The following SLC25A26 variants were observed in gnomAD, a reference collection of about 807,000 sequenced individuals.
The protein encoded by SLC25A26 is solute carrier family 25 member 26, also known as mitochondrial S-adenosylmethionine carrier protein.
Under a neutral mutation model 37.8 loss-of-function variants are expected in SLC25A26, and 36 were observed. The observed-to-expected ratio is 0.95, with a 90% CI of 0.73 to 1.26. The LOEUF (loss-of-function observed/expected upper bound fraction) is 1.26, where lower values mean the gene tolerates loss of function less well. SLC25A26 is among the 50% of genes most tolerant of loss of function. The pLI is 0.00. For missense variants in SLC25A26, 390 were observed against 331.1 expected (o/e 1.18, Z -1.38); for synonymous variants, 129 against 122.5 (o/e 1.05, Z -0.35).
At chr3:66,255,668 A>T (rs1398026091) in intron 3 of SLC25A26, among the ~76,000 whole-genome samples, 2 of 152,162 alleles carry the variant, frequency 1.3e-5, no homozygotes, top group Non-Finnish European at 2.9e-5. Context: ...TTACCAAGAG[A>T]CCCACAGATG....
At chr3:66,296,894 A>G (rs1324956906) in intron 5 of SLC25A26, among the ~76,000 whole-genome samples, 1 of 152,094 alleles carries the variant, frequency 6.6e-6, no homozygotes, top group Non-Finnish European at 1.5e-5. Flanking sequence ...TGTTTTCCAC[A>G]CTCCCTGAAC....
At chr3:66,214,695 A>T (rs1466276998) in intron 1 of SLC25A26, among the ~76,000 whole-genome samples, 1 of 152,202 alleles carries the variant, frequency 6.6e-6, no homozygotes, top group Non-Finnish European at 1.5e-5. Context: ...ATTTACACTT[A>T]AAAATTTGAT....
chr3:66,191,165 C>T (rs947095150), intron 1 of SLC25A26, among the ~76,000 whole-genome samples: 41 of 152,190 alleles, frequency 2.7e-4, no homozygotes, highest in African/African-American at 8.4e-4. Flanking sequence ...ATAATAAGGA[C>T]GAGTCTAAGC....
chr3:66,177,547 A>G (rs2070608995), intron 1 of SLC25A26, among the ~76,000 whole-genome samples: 1 of 152,104 alleles, frequency 6.6e-6, no homozygotes, highest in Admixed American at 6.5e-5. Context: ...CTCACATTAA[A>G]TCCCCACTGT....
intron 8 of SLC25A26, 143 bp downstream of exon 8, chr3:66,369,685 C>A: frequency 1.5e-6 from 1 of 677,238 alleles, no homozygotes; most frequent in Non-Finnish European, 2.6e-6. Flanking sequence ...TCTAACAAAA[C>A]TGCCATTGAT....
intron 1 of SLC25A26, among the ~76,000 whole-genome samples, chr3:66,174,752 C>T (rs1047184714): frequency 6.6e-6 from 1 of 150,974 alleles, no homozygotes; most frequent in South Asian, 2.1e-4. Context: ...CGCCACTGCA[C>T]TCCAGCCTGG....
intron 1 of SLC25A26, among the ~76,000 whole-genome samples, chr3:66,204,018 A>T (rs1371084074): frequency 6.6e-6 from 1 of 152,242 alleles, no homozygotes; most frequent in African/African-American, 2.4e-5. Flanking sequence ...TATTCTATGC[A>T]GTTTATTTAC....
Position 66,369,505 on chromosome 3 carries a change from C to T in SLC25A26, c.596C>T (p.Pro199Leu), listed in dbSNP as rs869025315. The T allele has an allele frequency of 1.2e-6, 2 of 1,605,200 alleles. No individual in the cohort carries two copies. The highest frequency in any genetic ancestry group is 2.2e-5 in the East Asian group (1 of 44,620). ...AGGFAAAVTT[P>L]LDVAKTRITL... ...GGATTTGCCGCTGCAGTCACCACCC[C>T]TCTAGACGTGGCAAAGACAAGAATT... Residue 199 changes from proline to leucine, a missense_variant, in exon 8 of 10, where the codon CCT (proline) becomes CTT (leucine). Coordinates refer to ENST00000354883, the MANE Select transcript of SLC25A26 (RefSeq NM_001379210.1).
chr3:66,136,392 A>G (rs1360342952), intron 1 of SLC25A26, among the ~76,000 whole-genome samples: 1 of 152,240 alleles, frequency 6.6e-6, no homozygotes, highest in Non-Finnish European at 1.5e-5. Context: ...ATTAAAAACT[A>G]CTTATCACTC....
upstream of SLC25A26, among the ~76,000 whole-genome samples, chr3:66,219,598 G>A (rs2071415390): frequency 6.6e-6 from 1 of 152,152 alleles, no homozygotes; most frequent in Admixed American, 6.5e-5. Context: ...AGAACAACAT[G>A]GGCAAAATTA....
At chr3:66,346,947 G>T (rs565038965) in intron 6 of SLC25A26, among the ~76,000 whole-genome samples, 1 of 152,196 alleles carries the variant, frequency 6.6e-6, no homozygotes, top group South Asian at 2.1e-4. Flanking sequence ...GCCAGGACTA[G>T]GAGCCTCCAG....
intron 9 of SLC25A26, among the ~76,000 whole-genome samples, chr3:66,375,359 C>G (rs575032404): frequency 8.7e-4 from 132 of 152,308 alleles, no homozygotes; most frequent in Non-Finnish European, 1.6e-3. Flanking sequence ...GGCACTAACA[C>G]TAAACAACAG....
chr3:66,289,547 C>T (rs759618818), intron 5 of SLC25A26, among the ~76,000 whole-genome samples: 1 of 152,126 alleles, frequency 6.6e-6, no homozygotes, highest in Non-Finnish European at 1.5e-5. Context: ...TTATGGCTAG[C>T]CAGTTTTCCC....
At chr3:66,248,616 C>T (rs1452350519) in intron 3 of SLC25A26, among the ~76,000 whole-genome samples, 2 of 152,152 alleles carry the variant, frequency 1.3e-5, no homozygotes, top group African/African-American at 2.4e-5. Flanking sequence ...TTGAAAGCAG[C>T]AACACTGTGA....
chr3:66,284,931 T>A (rs2074460563), intron 5 of SLC25A26, among the ~76,000 whole-genome samples: 1 of 152,180 alleles, frequency 6.6e-6, no homozygotes, highest in African/African-American at 2.4e-5. Flanking sequence ...TAGGAAAGAG[T>A]TAAAAATCAG....
In SLC25A26 at chr3:66,369,475, C is replaced by T. The variant is rs761344321; in HGVS notation, c.569-3C>T. Reference sequence around the variant, plus strand: ...ACTTGGGTGTTGGGTATTATTTGTACAGGTGGATTTGCCGCTGCAGTCACC... The same window carrying T: ...ACTTGGGTGTTGGGTATTATTTGTATAGGTGGATTTGCCGCTGCAGTCACC... On this transcript the variant is annotated splice_polypyrimidine_tract_variant and splice_region_variant and intron_variant, in intron 7 of 9. Transcript: ENST00000354883. 3.1e-5 allele frequency: 50 copies of T among 1,601,414 alleles called. No individual in the cohort carries two copies. The highest frequency in any genetic ancestry group is 3.9e-5 in the Non-Finnish European group (46 of 1,173,910).
intron 5 of SLC25A26, among the ~76,000 whole-genome samples, chr3:66,335,913 G>C (rs953451288): frequency 2.0e-5 from 3 of 152,130 alleles, no homozygotes; most frequent in African/African-American, 7.2e-5. Context: ...AGGGAAGGAG[G>C]GAGGAAGGAA....
intron 5 of SLC25A26, among the ~76,000 whole-genome samples, chr3:66,341,614 A>T (rs918300552): frequency 1.4e-4 from 22 of 152,162 alleles, no homozygotes; most frequent in African/African-American, 5.3e-4. Flanking sequence ...TTAACAGTCA[A>T]ACTGTTCACA....
intron 1 of SLC25A26, among the ~76,000 whole-genome samples, chr3:66,167,463 C>T (rs1427504920): frequency 2.0e-5 from 3 of 152,178 alleles, no homozygotes; most frequent in Non-Finnish European, 4.4e-5. Flanking sequence ...TCTAGCCAGA[C>T]CTGAATGCAT....
Sources: allele counts gnomAD v4.1 joint callset (sites outside exome capture counted in the v4.1 genomes callset), GRCh38; gene constraint gnomAD v4.1.1; transcripts MANE v1.5; gene names NCBI Gene and HGNC (gene_info 2026-07-23, HGNC 2026-07-21).